ANKRD29: variants seen among roughly 807,000 people sequenced by gnomAD.
The protein encoded by ANKRD29 is ankyrin repeat domain 29, also known as ankyrin repeat domain-containing protein 29.
In ANKRD29, 32 loss-of-function variants were observed where a neutral mutation model predicts 38.0. The ratio of observed to expected loss-of-function variants is 0.84; its 90% confidence interval spans 0.64 to 1.13. The LOEUF is 1.13. ANKRD29 is among the 50% of genes most tolerant of loss of function. The pLI is 0.00. For missense variants in ANKRD29, 357 were observed against 377.9 expected (o/e 0.94, Z 0.46); for synonymous variants, 135 against 152.4 (o/e 0.89, Z 0.84).
chr18:23,646,183 A>C lies in ANKRD29; in HGVS notation c.231+6T>G, dbSNP rs200888134. The C allele has an allele frequency of 5.5e-4, 880 of 1,613,782 alleles. No individual in the cohort carries two copies. The highest frequency in any genetic ancestry group is 3.2e-4 in the Non-Finnish European group (383 of 1,179,874). On this transcript the variant is annotated splice_donor_region_variant and intron_variant, in intron 3 of 9. Transcript: ENST00000592179. ...CATTTTTCTTCAAGTGCAAAGCCTG[A>C]CCTACCTCTCTCTGGAGATTGATGT...
intron 8 of ANKRD29, 56 bp from the exon 9 acceptor site, chr18:23,612,246 C>T: frequency 6.9e-7 from 1 of 1,457,080 alleles, no homozygotes; most frequent in Non-Finnish European, 9.5e-7. Flanking sequence ...TGGCATTCAG[C>T]ATGGCTTTCA....
chr18:23,612,225 C>T (rs770063305), intron 8 of ANKRD29, 35 bp from the exon 9 acceptor site: 2 of 1,582,392 alleles, frequency 1.3e-6, no homozygotes, highest in Non-Finnish European at 1.7e-6. Context: ...CAGGAGTGAG[C>T]TCACAGCCAT....
chr18:23,619,768 A>C (rs904958898), intron 6 of ANKRD29, 139 bp from the exon 7 acceptor site: 24 of 652,062 alleles, frequency 3.7e-5, no homozygotes, highest in Non-Finnish European at 6.0e-5. Context: ...TCTGCAGCTG[A>C]TCCACACCGC....
At chr18:23,601,351 G>A (rs1184183949) in intron 9 of ANKRD29, 42 bp from the exon 10 acceptor site, 4 of 1,579,986 alleles carry the variant, frequency 2.5e-6, no homozygotes, top group African/African-American at 1.3e-5. Context: ...CCCCATAGCT[G>A]GTGTGGTTTT....
chr18:23,660,158 A>C (rs2060340345), intron 1 of ANKRD29, among the ~76,000 whole-genome samples: 1 of 152,088 alleles, frequency 6.6e-6, no homozygotes, highest in Non-Finnish European at 1.5e-5. Flanking sequence ...ATCACTTCAT[A>C]CTCCTACCAG....
In ANKRD29 at chr18:23,662,803, T is replaced by G; in HGVS notation, c.-73A>C. The G allele has an allele frequency of 1.6e-6, 2 of 1,271,944 alleles. No homozygotes were observed. The highest frequency in any genetic ancestry group is 2.0e-6 in the Non-Finnish European group (2 of 1,003,946). The allele number at this position is 1,271,944 out of a possible 1,614,324, so 78.8% of individuals were successfully genotyped here. A position where few individuals can be genotyped will look rare whatever the true frequency, so the allele number is the denominator to read the frequency against. On this transcript the variant is annotated 5_prime_UTR_variant, in exon 1 of 10. Transcript: ENST00000592179. ...CCTTGTCCTCCCCGGCCCTTCACTCTCCCGGGGCTCTCGGCGTTCCGCAGA... is the reference window on the plus strand; with the variant it reads ...CCTTGTCCTCCCCGGCCCTTCACTCGCCCGGGGCTCTCGGCGTTCCGCAGA...
intron 1 of ANKRD29, among the ~76,000 whole-genome samples, chr18:23,661,598 C>T (rs2060362727): frequency 6.6e-6 from 1 of 152,178 alleles, no homozygotes; most frequent in Non-Finnish European, 1.5e-5. Context: ...ATCCCAGCTA[C>T]TCTGGAGGGT....
chr18:23,612,376 G>A (rs1168321136), intron 8 of ANKRD29, among the ~76,000 whole-genome samples, 186 bp from the exon 9 acceptor site: 1 of 152,158 alleles, frequency 6.6e-6, no homozygotes, highest in African/African-American at 2.4e-5. Context: ...ATAACCAATG[G>A]TCAGTACAAA....
At chr18:23,629,820 T>C (rs1401852548) in intron 6 of ANKRD29, 33 bp downstream of exon 6, 4 of 1,592,738 alleles carry the variant, frequency 2.5e-6, no homozygotes, top group African/African-American at 1.3e-5. Flanking sequence ...CCATGCGCCA[T>C]GTGCTCGGGC....
At chr18:23,607,364 T>C (rs1031451877) in intron 9 of ANKRD29, among the ~76,000 whole-genome samples, 1 of 152,112 alleles carries the variant, frequency 6.6e-6, no homozygotes, top group Non-Finnish European at 1.5e-5. Flanking sequence ...CTAAGCTTCA[T>C]CCAGTCTCAG....
intron 1 of ANKRD29, among the ~76,000 whole-genome samples, chr18:23,652,949 C>G (rs1396163665): frequency 1.3e-5 from 2 of 152,206 alleles, no homozygotes; most frequent in African/African-American, 4.8e-5. Flanking sequence ...GATAGTGGCC[C>G]TGTAAGATTA....
Position 23,601,297 on chromosome 18 carries a change from G to A in ANKRD29, c.835C>T (p.Pro279Ser). 6.2e-7 allele frequency: 1 copy of A among 1,613,946 alleles called. No homozygotes were observed. ...CGTTCATTTTTGGTTAGTTCTGCCGGAAGTTCATTGGCCTGAAAGAAGAGA... is the reference window on the plus strand; with the variant it reads ...CGTTCATTTTTGGTTAGTTCTGCCGAAAGTTCATTGGCCTGAAAGAAGAGA... ...PSLRNKANEL[P>S]AELTKNERIL... Residue 279 changes from proline (P) to serine (S), a missense_variant, in exon 10 of 10, where the codon CCG (proline) becomes TCG (serine). Transcript: ENST00000592179.
intron 1 of ANKRD29, among the ~76,000 whole-genome samples, chr18:23,656,351 A>T (rs902064493): frequency 2.6e-5 from 4 of 152,142 alleles, no homozygotes; most frequent in African/African-American, 4.8e-5. Flanking sequence ...TGCTCTATTT[A>T]TTCTTCCACA....
intron 9 of ANKRD29, among the ~76,000 whole-genome samples, chr18:23,605,144 C>A (rs370284643): frequency 1.3e-5 from 2 of 152,086 alleles, no homozygotes; most frequent in African/African-American, 4.8e-5. Context: ...TGCTTTTGAA[C>A]TCCTGACCTC....
chr18:23,653,411 C>T (rs1235053278), intron 1 of ANKRD29, among the ~76,000 whole-genome samples: 1 of 151,948 alleles, frequency 6.6e-6, no homozygotes, highest in African/African-American at 2.4e-5. Flanking sequence ...CCACTACGCC[C>T]GGCTAATTTT....
chr18:23,659,138 C>A (rs1266809816), intron 1 of ANKRD29, among the ~76,000 whole-genome samples: 1 of 152,076 alleles, frequency 6.6e-6, no homozygotes, highest in South Asian at 2.1e-4. Flanking sequence ...CCTGCCATGA[C>A]GTCCAGCTAA....
chr18:23,601,344 C>CT, intron 9 of ANKRD29, 35 bp from the exon 10 acceptor site: 1 of 1,592,422 alleles, frequency 6.3e-7, no homozygotes, highest in Non-Finnish European at 8.6e-7. Context: ...AGTGAATCCC[C>CT]ATAGCTGGTG....
intron 3 of ANKRD29, among the ~76,000 whole-genome samples, chr18:23,642,522 A>C (rs1222556469): frequency 2.0e-5 from 3 of 152,164 alleles, no homozygotes; most frequent in Non-Finnish European, 4.4e-5. Context: ...GCTTGCTCAC[A>C]CACCTGGCTT....
intron 3 of ANKRD29, among the ~76,000 whole-genome samples, chr18:23,639,874 A>C (rs2060051103): frequency 6.6e-6 from 1 of 152,222 alleles, no homozygotes; most frequent in Non-Finnish European, 1.5e-5. Context: ...ATAGAACCAG[A>C]AAGTATGATG....
Sources: allele counts gnomAD v4.1 joint callset (sites outside exome capture counted in the v4.1 genomes callset), GRCh38; gene constraint gnomAD v4.1.1; transcripts MANE v1.5; gene names NCBI Gene and HGNC (gene_info 2026-07-23, HGNC 2026-07-21).